Variants in UBR3 observed in about 807,000 individuals in gnomAD.
UBR3 encodes the protein ubiquitin protein ligase E3 component n-recognin 3.
Under a neutral mutation model 243.2 loss-of-function variants are expected in UBR3, and 85 were observed. The ratio of observed to expected loss-of-function variants is 0.35; its 90% confidence interval spans 0.29 to 0.42. UBR3 has a LOEUF of 0.42. UBR3 is among the 10% of genes least tolerant of loss of function. UBR3 has a pLI of 1.00. For synonymous variants in UBR3, 748 were observed against 799.8 expected (o/e 0.94, Z 1.09); for missense variants, 1,686 against 2,300.8 (o/e 0.73, Z 5.47).
chr2:169,836,010 T>TCTCTCTCC (rs2082079603), intron 1 of UBR3, among the ~76,000 whole-genome samples: 1 of 23,000 alleles, frequency 4.3e-5, no homozygotes, highest in African/African-American at 1.6e-4. Flanking sequence ...TCTCTCTCTC[T>TCTCTCTCC]CTCTCTCTCT....
intron 32 of UBR3, among the ~76,000 whole-genome samples, chr2:170,042,720 C>CT (rs575169870): frequency 0.045 from 6,007 of 133,584 alleles, 137 homozygotes; most frequent in Non-Finnish European, 0.06. Context: ...TTTTTGAACA[C>CT]TTTTTTTTTT....
chr2:170,051,833 T>C (rs953093171), intron 32 of UBR3, among the ~76,000 whole-genome samples: 1 of 152,214 alleles, frequency 6.6e-6, no homozygotes, highest in African/African-American at 2.4e-5. Context: ...AATATTTTTC[T>C]TGACTTTGAC....
intron 11 of UBR3, among the ~76,000 whole-genome samples, chr2:169,922,652 A>G (rs1020497789): frequency 2.6e-5 from 4 of 152,106 alleles, no homozygotes; most frequent in African/African-American, 7.2e-5. Flanking sequence ...TTGTATCTCT[A>G]CGAATTTGGC....
intron 1 of UBR3, among the ~76,000 whole-genome samples, chr2:169,844,696 C>T (rs10167791): frequency 0.18 from 27,526 of 151,896 alleles, 2,744 homozygotes; most frequent in East Asian, 0.37. Flanking sequence ...GGCATTTCAC[C>T]ATGTTGGCCA....
At chr2:170,059,401 G>A (rs1363856473) in intron 33 of UBR3, among the ~76,000 whole-genome samples, 3 of 152,106 alleles carry the variant, frequency 2.0e-5, no homozygotes, top group African/African-American at 7.2e-5. Flanking sequence ...AGACTGAATT[G>A]TACATTTAGA....
At chr2:169,851,312 A>C (rs998233787) in intron 1 of UBR3, among the ~76,000 whole-genome samples, 2 of 152,144 alleles carry the variant, frequency 1.3e-5, no homozygotes, top group African/African-American at 2.4e-5. Flanking sequence ...TTTTGTATAC[A>C]TGGGGTTTTA....
Position 169,911,375 on chromosome 2 carries a change from A to T in UBR3, c.1780-2685A>T, listed in dbSNP as rs546787878. 3.3e-5 allele frequency among the ~76,000 whole-genome samples: 5 copies of T among 152,312 alleles called. No homozygotes were observed. The South Asian group carries it at 1.0e-3, about 32-fold the overall frequency. On this transcript the variant is annotated intron_variant, in intron 10 of 38. Transcript: ENST00000272793. Reference sequence around the variant, plus strand: ...GTCAGACATAGTGTTAACCTATGATACAGAGCATTTTATGTACATCATTTC... The same window carrying T: ...GTCAGACATAGTGTTAACCTATGATTCAGAGCATTTTATGTACATCATTTC...
intron 23 of UBR3, 89 bp downstream of exon 23, chr2:169,950,154 A>T: frequency 1.6e-6 from 2 of 1,217,326 alleles, no homozygotes; most frequent in Non-Finnish European, 2.3e-6. Context: ...AATCACCTGG[A>T]TGTTTAACAG....
chr2:169,999,791 T>C (rs2089626740), intron 26 of UBR3, among the ~76,000 whole-genome samples: 1 of 151,666 alleles, frequency 6.6e-6, no homozygotes, highest in Non-Finnish European at 1.5e-5. Context: ...AAGTTGAAGA[T>C]GTAAAAGAGA....
chr2:169,880,737 C>CT (rs1264876258), intron 5 of UBR3, among the ~76,000 whole-genome samples: 1 of 152,024 alleles, frequency 6.6e-6, no homozygotes, highest in Non-Finnish European at 1.5e-5. Context: ...CTAATCTGTC[C>CT]TTTTTAGGTC....
intron 1 of UBR3, among the ~76,000 whole-genome samples, chr2:169,868,403 G>A (rs1401377579): frequency 1.3e-5 from 2 of 152,186 alleles, no homozygotes; most frequent in Middle Eastern, 3.4e-3. Flanking sequence ...GTGCAGTGGC[G>A]CACGATCTCA....
chr2:170,043,786 T>A (rs1170391953), intron 32 of UBR3, among the ~76,000 whole-genome samples: 1 of 152,210 alleles, frequency 6.6e-6, no homozygotes, highest in Non-Finnish European at 1.5e-5. Flanking sequence ...TACCTGTAGT[T>A]AGAATTGCTT....
intron 19 of UBR3, among the ~76,000 whole-genome samples, chr2:169,933,865 C>T (rs1243091269): frequency 6.9e-6 from 1 of 144,486 alleles, no homozygotes; most frequent in African/African-American, 2.5e-5. Flanking sequence ...AAAACCAAAA[C>T]GATCTTTAAA....
chr2:169,836,241 G>GC (rs1274072819), intron 1 of UBR3, among the ~76,000 whole-genome samples: 2 of 150,354 alleles, frequency 1.3e-5, no homozygotes, highest in Non-Finnish European at 3.0e-5. Flanking sequence ...CCGCCACCAT[G>GC]CCTAGCTAAT....
chr2:169,939,167 A>G (rs1159782208), intron 19 of UBR3, among the ~76,000 whole-genome samples: 2 of 151,696 alleles, frequency 1.3e-5, no homozygotes, highest in African/African-American at 4.8e-5. Context: ...TATCAGTTTT[A>G]CTATGTTTTC....
At chr2:169,899,874 CCA>C (rs1159454168) in intron 8 of UBR3, among the ~76,000 whole-genome samples, 2 of 152,062 alleles carry the variant, frequency 1.3e-5, no homozygotes, top group African/African-American at 2.4e-5. Context: ...TGTATATGTG[CCA>C]CATTTTCTTT....
chr2:169,848,929 C>A (rs2082571901), intron 1 of UBR3, among the ~76,000 whole-genome samples: 1 of 152,120 alleles, frequency 6.6e-6, no homozygotes, highest in Middle Eastern at 3.2e-3. Flanking sequence ...TAATGGTAAA[C>A]AACCTTTAAC....
At chr2:170,003,360 G>T (rs939574871) in intron 27 of UBR3, among the ~76,000 whole-genome samples, 13 of 152,246 alleles carry the variant, frequency 8.5e-5, no homozygotes, top group Non-Finnish European at 2.9e-5. Flanking sequence ...TCCAGGATCT[G>T]GTCTTGCCCA....
intron 36 of UBR3, among the ~76,000 whole-genome samples, chr2:170,075,993 G>A (rs926463440): frequency 6.6e-6 from 1 of 151,722 alleles, no homozygotes; most frequent in African/African-American, 2.4e-5. Flanking sequence ...CATCGCTTGG[G>A]AAGAAGAGAA....
Sources: gnomAD v4.1 joint callset for allele counts (sites outside exome capture counted in the v4.1 genomes callset) on GRCh38, gnomAD v4.1.1 for gene constraint, MANE v1.5 for transcripts, NCBI Gene and HGNC (gene_info 2026-07-23, HGNC 2026-07-21) for gene names.